The following UPK1A variants were observed in gnomAD, a reference collection of about 807,000 sequenced individuals.
UPK1A encodes the protein uroplakin-1a.
In UPK1A, 31 loss-of-function variants were observed where a neutral mutation model predicts 32.3. The observed-to-expected ratio is 0.96, with a 90% CI of 0.72 to 1.30. The LOEUF (loss-of-function observed/expected upper bound fraction) is 1.30. Among genes scored for constraint, UPK1A ranks in the 50% most tolerant of loss-of-function variants. The pLI, the probability that UPK1A is intolerant of heterozygous loss-of-function variation, is 0.00. For synonymous variants in UPK1A, 135 were observed against 137.1 expected, an observed-to-expected ratio of 0.98 and a Z score of 0.11; for missense variants, 340 against 357.4, an observed-to-expected ratio of 0.95 and a Z score of 0.39.
chr19:35,676,195 CTT>C (rs747589460), intron 6 of UPK1A, 176 bp downstream of exon 6: 620 of 583,424 alleles, frequency 1.1e-3, no homozygotes, highest in South Asian at 1.2e-3. Context: ...TTCTTTCTTT[CTT>C]TTTTTTTTTT....
chr19:35,672,147 T>C (rs1240240295), intron 3 of UPK1A, among the ~76,000 whole-genome samples: 4 of 152,200 alleles, frequency 2.6e-5, no homozygotes, highest in African/African-American at 7.2e-5. Context: ...CTTTTTTTTT[T>C]CTCCTGCCCT....
Position 35,668,637 on chromosome 19 carries a change from C to T in UPK1A, c.268C>T (p.Arg90Trp), listed in dbSNP as rs368559520. 3.8e-4 allele frequency: 620 copies of T among 1,613,314 alleles called. 4 individuals carry two copies. The South Asian group carries it at 5.5e-3, about 14-fold the overall frequency. ...TGTGGGTGCCGCACTCTGCCGCCGCCGGTCCATGGTCCTCACGGTGAGACT... is the reference window on the plus strand; with the variant it reads ...TGTGGGTGCCGCACTCTGCCGCCGCTGGTCCATGGTCCTCACGGTGAGACT... The change falls in exon 3 of 8, where the codon CGG (arginine) becomes TGG (tryptophan). Residue 90 changes from arginine (R) to tryptophan (W), a missense_variant. Transcript: ENST00000617999.
In UPK1A at chr19:35,677,723, G is replaced by A. The variant is rs1286621211; in HGVS notation, c.649-89G>A. On this transcript the variant is annotated intron_variant, in intron 6 of 7. Transcript: ENST00000617999. ...AGAAAACCAATGCTCAGGGAAGGTGGTGACTTTCCCAAGGGCGCACAGTGA... is the reference window on the plus strand; with the variant it reads ...AGAAAACCAATGCTCAGGGAAGGTGATGACTTTCCCAAGGGCGCACAGTGA... 6.1e-6 allele frequency: 9 copies of A among 1,483,110 alleles called. No homozygotes were observed. In the South Asian group the frequency reaches 8.2e-5, roughly 14 times the overall value. The allele number at this position is 1,483,110 out of a possible 1,614,324, so 91.9% of individuals were successfully genotyped here.
intron 5 of UPK1A, 125 bp from the exon 6 acceptor site, chr19:35,675,715 G>A: frequency 8.8e-7 from 1 of 1,139,934 alleles, no homozygotes; most frequent in Non-Finnish European, 1.2e-6. Context: ...TGGAGGCCCA[G>A]GACATGGGGA....
At chr19:35,668,463 C>T (rs568561040) in exon 3 of UPK1A, 3 of 1,614,168 alleles carry the variant, frequency 1.9e-6, no homozygotes, top group East Asian at 4.5e-5. Context: ...GCTGTCAGGC[C>T]TGTCCCTGTT....
chr19:35,667,891 C>T (rs570092071), intron 2 of UPK1A: 2 of 185,746 alleles, frequency 1.1e-5, no homozygotes, highest in African/African-American at 4.8e-5. Context: ...CTGGGCTCAA[C>T]TGATCCTCCT....
chr19:35,668,848 C>CTTT (rs147337402), intron 3 of UPK1A, among the ~76,000 whole-genome samples, 194 bp downstream of exon 3: 5 of 140,720 alleles, frequency 3.6e-5, no homozygotes, highest in East Asian at 4.2e-4. Context: ...GGGATTTTTT[C>CTTT]TTTTTTTTTT....
intron 6 of UPK1A, among the ~76,000 whole-genome samples, chr19:35,677,085 G>A (rs909512807): frequency 4.0e-5 from 6 of 151,820 alleles, no homozygotes; most frequent in South Asian, 2.1e-4. Flanking sequence ...TTAGCCAGGC[G>A]TGGTGGTGCG....
rs974637862 is a variant in UPK1A at position 35,675,700 on chromosome 19, TCG to T, written c.469-138_469-137del. Reference sequence around the variant, plus strand: ...ACACACAGACACCCACCGGACACACTCGCTTGGAGGCCCAGGACATGGGGAAG... The same window carrying T: ...ACACACAGACACCCACCGGACACACTCTTGGAGGCCCAGGACATGGGGAAG... On this transcript the variant is annotated intron_variant, in intron 5 of 7. Coordinates refer to ENST00000617999, the Ensembl canonical transcript of UPK1A. 4.1e-6 allele frequency: 4 copies of T among 968,720 alleles called. No individual in the cohort carries two copies. The African/African-American group carries it at 6.7e-5, about 16-fold the overall frequency. 60.0% of individuals were successfully genotyped at this position (968,720 alleles called of 1,614,324 possible). A position where few individuals can be genotyped will look rare whatever the true frequency, so the allele number is the denominator to read the frequency against.
chr19:35,667,309 T>G (rs748661700), intron 2 of UPK1A, among the ~76,000 whole-genome samples: 11 of 28,168 alleles, frequency 3.9e-4, no homozygotes, highest in Non-Finnish European at 5.3e-4. Flanking sequence ...TTTGTGTTTT[T>G]TGTTTTGTTT....
exon 3 of UPK1A, chr19:35,668,490 G>C: frequency 6.2e-7 from 1 of 1,614,184 alleles, no homozygotes; most frequent in Non-Finnish European, 8.5e-7. Flanking sequence ...GACCATATGG[G>C]TGACAGCCGA....
intron 5 of UPK1A, 104 bp from the exon 6 acceptor site, chr19:35,675,736 A>AT: frequency 1.4e-6 from 2 of 1,381,058 alleles, no homozygotes; most frequent in Non-Finnish European, 1.9e-6. Flanking sequence ...AGTTGGGCCC[A>AT]GCTGTGTCAA....
intron 6 of UPK1A, among the ~76,000 whole-genome samples, chr19:35,676,809 G>T (rs1968189004): frequency 6.6e-6 from 1 of 151,896 alleles, no homozygotes; most frequent in South Asian, 2.1e-4. Context: ...TGAGGTAGGA[G>T]AATCACTTGA....
chr19:35,668,498 C>T (rs759235943), exon 3 of UPK1A: 23 of 1,614,062 alleles, frequency 1.4e-5, no homozygotes, highest in African/African-American at 6.7e-5. Context: ...GGGTGACAGC[C>T]GACCAGTACC....
At chr19:35,676,381 G>T (rs565611046) in intron 6 of UPK1A, 2 of 356,232 alleles carry the variant, frequency 5.6e-6, no homozygotes, top group Non-Finnish European at 1.1e-5. Flanking sequence ...GCAGAGACGG[G>T]GTTTGACCAT....
exon 6 of UPK1A, chr19:35,676,015 C>T (rs1766586501): frequency 2.5e-6 from 4 of 1,612,502 alleles, no homozygotes; most frequent in African/African-American, 1.3e-5. Context: ...TACCTGTTCA[C>T]CAAGGTGTGG....
intron 5 of UPK1A, among the ~76,000 whole-genome samples, chr19:35,675,570 C>T (rs1000579510): frequency 5.3e-5 from 8 of 152,136 alleles, no homozygotes; most frequent in African/African-American, 9.6e-5. Context: ...CGTGAGACAC[C>T]GTGCCCGGCA....
chr19:35,673,241 C>T (rs1311299169), exon 4 of UPK1A: 2 of 1,614,130 alleles, frequency 1.2e-6, no homozygotes, highest in South Asian at 1.1e-5. Flanking sequence ...GTACCTGGTG[C>T]TCATGCTCAT....
intron 3 of UPK1A, among the ~76,000 whole-genome samples, chr19:35,670,689 C>T: frequency 9.4e-6 from 1 of 106,166 alleles, no homozygotes; most frequent in South Asian, 5.2e-4. Flanking sequence ...TCCCTCCCTC[C>T]CTCCCTCCCT....
Sources: gnomAD v4.1 joint callset for allele counts (sites outside exome capture counted in the v4.1 genomes callset) on GRCh38, gnomAD v4.1.1 for gene constraint, MANE v1.5 for transcripts, NCBI Gene and HGNC (gene_info 2026-07-23, HGNC 2026-07-21) for gene names.